Variants in SLC35F1 observed in about 807,000 individuals in gnomAD.
SLC35F1 encodes the protein chromosome 6 open reading frame 169.
SLC35F1 carries 14 observed loss-of-function variants against 48.7 expected under a neutral mutation model. The observed-to-expected ratio is 0.29, with a 90% CI of 0.19 to 0.45. The LOEUF is 0.45. Ranked by LOEUF, SLC35F1 falls within the 20% of genes least tolerant of loss-of-function variation. The probability of loss-of-function intolerance (pLI) is 1.00; values close to 1 mark genes in which losing one functional copy is unlikely to be tolerated. For missense variants in SLC35F1, 404 were observed against 500.0 expected (o/e 0.81, Z 1.83); for synonymous variants, 190 against 202.2 (o/e 0.94, Z 0.51).
chr6:118,134,438 G>A (rs959859515), intron 1 of SLC35F1, among the ~76,000 whole-genome samples: 2 of 152,176 alleles, frequency 1.3e-5, no homozygotes, highest in Non-Finnish European at 2.9e-5. Context: ...CACTCCAGGG[G>A]CATAAGAGCC....
intron 1 of SLC35F1, among the ~76,000 whole-genome samples, chr6:118,047,244 T>C (rs1000961886): frequency 1.3e-5 from 2 of 152,166 alleles, no homozygotes; most frequent in African/African-American, 4.8e-5. Flanking sequence ...CAATTTTTAT[T>C]CTGTTGTTCT....
At chr6:118,059,529 C>T (rs971300221) in intron 1 of SLC35F1, among the ~76,000 whole-genome samples, 1 of 152,144 alleles carries the variant, frequency 6.6e-6, no homozygotes, top group East Asian at 1.9e-4. Context: ...CAAACAATTC[C>T]AAAACCTCAG....
At chr6:117,964,086 G>A (rs1015307569) in intron 1 of SLC35F1, among the ~76,000 whole-genome samples, 1 of 152,202 alleles carries the variant, frequency 6.6e-6, no homozygotes, top group Non-Finnish European at 1.5e-5. Context: ...TTGGTTTTCT[G>A]TTCTTGTGTT....
At chr6:118,201,665 G>A (rs78666062) in intron 2 of SLC35F1, among the ~76,000 whole-genome samples, 1,840 of 152,086 alleles carry the variant, frequency 0.012, 35 homozygotes, top group African/African-American at 0.043. Context: ...TATATAATTC[G>A]GTGGGTTTTA....
intron 1 of SLC35F1, among the ~76,000 whole-genome samples, chr6:118,075,367 A>C (rs542559952): frequency 2.0e-5 from 3 of 152,340 alleles, no homozygotes; most frequent in Non-Finnish European, 4.4e-5. Context: ...CCGAAAGCAA[A>C]CCTGTTATGA....
chr6:118,306,705 C>T (rs1262753070), intron 7 of SLC35F1, among the ~76,000 whole-genome samples: 1 of 152,198 alleles, frequency 6.6e-6, no homozygotes, highest in South Asian at 2.1e-4. Context: ...CCCCTCTGTT[C>T]CACTTCTGGC....
At chr6:117,911,004 T>A (rs1325667924) in intron 1 of SLC35F1, among the ~76,000 whole-genome samples, 1 of 152,212 alleles carries the variant, frequency 6.6e-6, no homozygotes, top group Non-Finnish European at 1.5e-5. Flanking sequence ...TTATTCAGCA[T>A]CATTTTATTT....
chr6:117,933,948 C>T (rs1032939767), intron 1 of SLC35F1, among the ~76,000 whole-genome samples: 3 of 151,762 alleles, frequency 2.0e-5, no homozygotes, highest in East Asian at 1.9e-4. Context: ...AATCAGTGGA[C>T]CACTGATTTC....
At chr6:118,235,084 A>G (rs984206918) in intron 2 of SLC35F1, among the ~76,000 whole-genome samples, 1 of 151,454 alleles carries the variant, frequency 6.6e-6, no homozygotes, top group Non-Finnish European at 1.5e-5. Context: ...ATCTGCTGCC[A>G]AGCACAAGCC....
In SLC35F1 at chr6:118,095,837, G is replaced by GA. The variant is rs200486616; in HGVS notation, c.174-58605dup. Among the ~76,000 whole-genome samples the GA allele has an allele frequency of 5.4e-3, 820 of 152,278 alleles. 9 individuals are homozygous for GA. The highest frequency in any genetic ancestry group is 0.018 in the African/African-American group (752 of 41,544). On this transcript the variant is annotated intron_variant, in intron 1 of 7. Coordinates refer to ENST00000360388, the MANE Select transcript of SLC35F1 (RefSeq NM_001029858.4). ...GAAAGGAGAATGTGGAAGCAGAAAA[G>GA]AAAGGCCAGGAGTGGTGGAAGGTAG...
At chr6:118,064,983 A>T (rs762625722) in intron 1 of SLC35F1, among the ~76,000 whole-genome samples, 14 of 152,256 alleles carry the variant, frequency 9.2e-5, no homozygotes, top group Non-Finnish European at 2.1e-4. Context: ...TAATCTACAT[A>T]ATTTGGGATG....
chr6:117,957,177 T>G (rs1776438193), intron 1 of SLC35F1, among the ~76,000 whole-genome samples: 1 of 152,216 alleles, frequency 6.6e-6, no homozygotes, highest in Non-Finnish European at 1.5e-5. Flanking sequence ...AAAACAAATA[T>G]TTATCAAAAG....
chr6:117,994,508 A>G (rs1029175328), intron 1 of SLC35F1, among the ~76,000 whole-genome samples: 53 of 152,308 alleles, frequency 3.5e-4, no homozygotes, highest in African/African-American at 1.2e-3. Flanking sequence ...CACAAGAGCT[A>G]TTTCCAGACT....
intron 2 of SLC35F1, among the ~76,000 whole-genome samples, chr6:118,181,687 G>A (rs565552872): frequency 1.6e-4 from 24 of 151,980 alleles, no homozygotes; most frequent in African/African-American, 5.1e-4. Flanking sequence ...CTAGATGTAC[G>A]ATGATTATAA....
At chr6:118,276,944 A>T (rs1320671300) in intron 5 of SLC35F1, among the ~76,000 whole-genome samples, 2 of 152,162 alleles carry the variant, frequency 1.3e-5, no homozygotes, top group African/African-American at 4.8e-5. Flanking sequence ...AGGTTCTCAA[A>T]ATATGGTCCT....
rs1288593434 is a variant in SLC35F1 at position 118,065,183 on chromosome 6, G to C, written c.174-89262G>C. Among the ~76,000 whole-genome samples, 3 of 152,266 alleles carry C rather than the reference G, an allele frequency of 2.0e-5. No individual in the cohort carries two copies. The East Asian group carries it at 5.8e-4, about 29-fold the overall frequency. ...AATGTGATCACATGGAACTTTCCAG[G>C]TAGGCTGAGTGGAGAAAAAATCCTG... is the stretch of plus-strand genomic sequence containing the variant. On this transcript the variant is annotated intron_variant, in intron 1 of 7. Coordinates refer to ENST00000360388, the MANE Select transcript of SLC35F1 (RefSeq NM_001029858.4).
At position 118,077,815 on chromosome 6, in the gene SLC35F1, A is replaced by C. The variant is rs548069505; in HGVS notation, c.174-76630A>C. Reference sequence around the variant, plus strand: ...AATAGACAAAAAGAATTCCCAAAAAACTCTGAAACAGCAAGAAATCACAGT... The same window carrying C: ...AATAGACAAAAAGAATTCCCAAAAACCTCTGAAACAGCAAGAAATCACAGT... On this transcript the variant is annotated intron_variant, in intron 1 of 7. Transcript: ENST00000360388. Among the ~76,000 whole-genome samples the C allele has an allele frequency of 3.3e-5, 5 of 152,312 alleles. No individual in the cohort carries two copies. The South Asian group carries it at 6.2e-4, about 19-fold the overall frequency.
chr6:118,280,020 C>A, intron 6 of SLC35F1, among the ~76,000 whole-genome samples: 1 of 151,978 alleles, frequency 6.6e-6, no homozygotes. Flanking sequence ...TTTCTTAACC[C>A]GAAGCACTTT....
At chr6:118,249,171 A>T (rs894369341) in intron 3 of SLC35F1, among the ~76,000 whole-genome samples, 3 of 152,186 alleles carry the variant, frequency 2.0e-5, no homozygotes, top group African/African-American at 7.2e-5. Flanking sequence ...GCCTTAATAG[A>T]CTGAGGCACC....
Sources: gnomAD v4.1 joint callset for allele counts (sites outside exome capture counted in the v4.1 genomes callset) on GRCh38, gnomAD v4.1.1 for gene constraint, MANE v1.5 for transcripts, NCBI Gene and HGNC (gene_info 2026-07-23, HGNC 2026-07-21) for gene names.